The following NKAIN2 variants were observed in gnomAD, a reference collection of about 807,000 sequenced individuals.
NKAIN2 encodes sodium/potassium transporting ATPase interacting 2.
Under a neutral mutation model 32.6 loss-of-function variants are expected in NKAIN2, and 14 were observed. The observed-to-expected ratio is 0.43, with a 90% CI of 0.28 to 0.67. The LOEUF (loss-of-function observed/expected upper bound fraction) is 0.67. NKAIN2 is among the 30% of genes least tolerant of loss of function. NKAIN2 has a pLI of 0.17. For synonymous variants in NKAIN2, 80 were observed against 87.2 expected (o/e 0.92, Z 0.46); for missense variants, 198 against 258.3 (o/e 0.77, Z 1.60).
intron 1 of NKAIN2, among the ~76,000 whole-genome samples, chr6:123,810,719 G>C (rs1179729283): frequency 6.6e-6 from 1 of 150,966 alleles, no homozygotes; most frequent in East Asian, 1.9e-4. Flanking sequence ...ATTGTTATTT[G>C]CCTGTTTTTT....
intron 3 of NKAIN2, among the ~76,000 whole-genome samples, chr6:124,571,855 A>G (rs979285542): frequency 6.6e-6 from 1 of 152,092 alleles, no homozygotes; most frequent in Non-Finnish European, 1.5e-5. Context: ...GAACAACATA[A>G]TTCTTCACCT....
intron 1 of NKAIN2, among the ~76,000 whole-genome samples, chr6:123,869,239 A>G (rs1478226736): frequency 6.6e-6 from 1 of 152,212 alleles, no homozygotes; most frequent in African/African-American, 2.4e-5. Flanking sequence ...CCTAGACCTA[A>G]TTGACCTCTT....
At chr6:124,024,621 AGTTAT>A (rs60544752) in intron 1 of NKAIN2, among the ~76,000 whole-genome samples, 33,477 of 151,876 alleles carry the variant, frequency 0.22, 4,545 homozygotes, top group African/African-American at 0.38. Flanking sequence ...TAAGATTATC[AGTTAT>A]GTTATAATAG....
At chr6:124,398,113 C>T (rs1173101852) in intron 3 of NKAIN2, among the ~76,000 whole-genome samples, 5 of 151,448 alleles carry the variant, frequency 3.3e-5, no homozygotes, top group Admixed American at 2.0e-4. Context: ...ATTAGCCGGG[C>T]GTGGTTGCGG....
At chr6:124,653,444 C>CAA (rs35842873) in intron 3 of NKAIN2, among the ~76,000 whole-genome samples, 82 of 79,636 alleles carry the variant, frequency 1.0e-3, no homozygotes, top group African/African-American at 1.8e-3. Context: ...CATCCACATG[C>CAA]AAAAAAAAAA....
At chr6:124,810,432 A>G (rs1457400319) in intron 5 of NKAIN2, among the ~76,000 whole-genome samples, 2 of 152,084 alleles carry the variant, frequency 1.3e-5, no homozygotes, top group Non-Finnish European at 2.9e-5. Flanking sequence ...GAATTGAACA[A>G]TGAGAACACA....
At chr6:124,599,996 C>A (rs1383377240) in intron 3 of NKAIN2, among the ~76,000 whole-genome samples, 1 of 152,012 alleles carries the variant, frequency 6.6e-6, no homozygotes, top group African/African-American at 2.4e-5. Flanking sequence ...GTTAAGGTTT[C>A]CAGAGCTCCC....
At chr6:124,710,583 A>G (rs1240235301) in intron 4 of NKAIN2, among the ~76,000 whole-genome samples, 1 of 151,858 alleles carries the variant, frequency 6.6e-6, no homozygotes, top group African/African-American at 2.4e-5. Context: ...ACCATTATGT[A>G]ATGGCCTTCT....
At chr6:124,416,774 G>A (rs1774506537) in intron 3 of NKAIN2, among the ~76,000 whole-genome samples, 1 of 152,180 alleles carries the variant, frequency 6.6e-6, no homozygotes, top group East Asian at 1.9e-4. Flanking sequence ...ATGGGGAGCA[G>A]TAATGGGGTA....
intron 3 of NKAIN2, among the ~76,000 whole-genome samples, chr6:124,497,880 A>G (rs1778127408): frequency 6.6e-6 from 1 of 151,572 alleles, no homozygotes. Flanking sequence ...AAATCTCCAG[A>G]AAAAGATTCA....
intron 3 of NKAIN2, among the ~76,000 whole-genome samples, chr6:124,628,294 G>T (rs148337481): frequency 2.0e-5 from 3 of 151,728 alleles, no homozygotes; most frequent in East Asian, 1.9e-4. Context: ...CTTTCCTAAG[G>T]TTGTAGATAT....
At chr6:124,452,382 G>A (rs1234061942) in intron 3 of NKAIN2, among the ~76,000 whole-genome samples, 1 of 151,754 alleles carries the variant, frequency 6.6e-6, no homozygotes, top group Non-Finnish European at 1.5e-5. Flanking sequence ...ATTGGGACGG[G>A]GCAAGAACAC....
intron 3 of NKAIN2, among the ~76,000 whole-genome samples, chr6:124,398,351 T>C (rs180862731): frequency 2.9e-4 from 44 of 149,844 alleles, no homozygotes; most frequent in Admixed American, 2.8e-3. Context: ...ACAGGTAGAA[T>C]TTAAGTGGGC....
chr6:124,670,376 T>C (rs1195771037), intron 4 of NKAIN2, among the ~76,000 whole-genome samples: 4 of 152,068 alleles, frequency 2.6e-5, no homozygotes, highest in Non-Finnish European at 2.9e-5. Context: ...TTCAAGAGTG[T>C]TTTTAAAAGA....
At chr6:124,468,434 C>T (rs1400452245) in intron 3 of NKAIN2, among the ~76,000 whole-genome samples, 1 of 152,028 alleles carries the variant, frequency 6.6e-6, no homozygotes, top group African/African-American at 2.4e-5. Context: ...GATTTCAAGG[C>T]AGAGTTTATA....
intron 1 of NKAIN2, among the ~76,000 whole-genome samples, chr6:124,055,261 G>A (rs1782592315): frequency 6.6e-6 from 1 of 152,006 alleles, no homozygotes; most frequent in African/African-American, 2.4e-5. Context: ...ACAAAAGGCA[G>A]CATAAAACGA....
chr6:124,491,460 G>T (rs1777859672), intron 3 of NKAIN2, among the ~76,000 whole-genome samples: 1 of 151,844 alleles, frequency 6.6e-6, no homozygotes, highest in East Asian at 1.9e-4. Context: ...GTCATTGAAT[G>T]TTGTTGAGGT....
chr6:124,599,887 G>T (rs1486872820), intron 3 of NKAIN2, among the ~76,000 whole-genome samples: 3 of 152,068 alleles, frequency 2.0e-5, no homozygotes, highest in Non-Finnish European at 4.4e-5. Flanking sequence ...TATGAGGCCT[G>T]CTCTGTTTGT....
rs74914451 is a variant in NKAIN2 at position 124,601,905 on chromosome 6, G to A, written c.274-56281G>A. 4.1e-3 allele frequency among the ~76,000 whole-genome samples: 619 copies of A among 152,070 alleles called. 2 individuals carry two copies. The highest frequency in any genetic ancestry group is 0.013 in the South Asian group (62 of 4,830). Reference sequence around the variant, plus strand: ...AACTGGAGAGCCTAACCAATGTCCAGTAACTTAGGTCCAACCATTTATTTC... The same window carrying A: ...AACTGGAGAGCCTAACCAATGTCCAATAACTTAGGTCCAACCATTTATTTC... On this transcript the variant is annotated intron_variant, in intron 3 of 6. Transcript: ENST00000368417.
Sources: gnomAD v4.1 joint callset for allele counts (sites outside exome capture counted in the v4.1 genomes callset) on GRCh38, gnomAD v4.1.1 for gene constraint, MANE v1.5 for transcripts, NCBI Gene and HGNC (gene_info 2026-07-23, HGNC 2026-07-21) for gene names.